KIF13A: variants seen among roughly 807,000 people sequenced by gnomAD.
The protein encoded by KIF13A is kinesin family member 13A, also known as kinesin-like protein KIF13A.
Under a neutral mutation model 212.2 loss-of-function variants are expected in KIF13A, and 79 were observed. The ratio of observed to expected loss-of-function variants is 0.37; its 90% CI spans 0.31 to 0.45. KIF13A has a LOEUF of 0.45. Ranked by LOEUF, KIF13A falls within the 20% of genes least tolerant of loss-of-function variation. The pLI is 1.00. For synonymous variants in KIF13A, 789 were observed against 808.6 expected (o/e 0.98, Z 0.41); for missense variants, 1,901 against 2,209.0 (o/e 0.86, Z 2.79).
intron 34 of KIF13A, among the ~76,000 whole-genome samples, chr6:17,775,749 G>A (rs906779465): frequency 2.6e-5 from 4 of 152,036 alleles, no homozygotes; most frequent in Non-Finnish European, 5.9e-5. Context: ...ATGAGGTCTC[G>A]CTATGTTGCC....
At chr6:17,923,857 T>C (rs1257869272) in intron 2 of KIF13A, among the ~76,000 whole-genome samples, 1 of 152,140 alleles carries the variant, frequency 6.6e-6, no homozygotes, top group Non-Finnish European at 1.5e-5. Context: ...GCACAACTCT[T>C]AAAAACCTTT....
rs16880006 is a variant in KIF13A, at chr6:17,856,913, T to C, written c.221-791A>G. On this transcript the variant is annotated intron_variant, in intron 4 of 38. Transcript: ENST00000259711. The surrounding 1 kb of genome is among the most constrained non-coding windows in gnomAD (Gnocchi z 4.5). Reference sequence around the variant, plus strand: ...CCTTAGAACATTCACTATTACAGCATTTGCAGAAACTACTAGTTTAAGTAC... The same window carrying C: ...CCTTAGAACATTCACTATTACAGCACTTGCAGAAACTACTAGTTTAAGTAC... Among the ~76,000 whole-genome samples the C allele has an allele frequency of 0.018, 2,707 of 152,294 alleles. 92 individuals carry two copies. The highest frequency in any genetic ancestry group is 0.061 in the African/African-American group (2,535 of 41,554).
intron 2 of KIF13A, among the ~76,000 whole-genome samples, chr6:17,948,686 G>A (rs1157328021): frequency 1.4e-5 from 2 of 143,184 alleles, no homozygotes; most frequent in African/African-American, 5.2e-5. Flanking sequence ...TCAGCCTCCC[G>A]AGTAACTGGA....
chr6:17,802,936 T>TG, intron 20 of KIF13A, among the ~76,000 whole-genome samples: 1 of 137,974 alleles, frequency 7.2e-6, no homozygotes, highest in East Asian at 2.2e-4. Context: ...TTTTTTGTTT[T>TG]TTTTTGTTTT....
intron 2 of KIF13A, among the ~76,000 whole-genome samples, chr6:17,975,499 G>C (rs146906895): frequency 6.6e-6 from 1 of 152,080 alleles, no homozygotes; most frequent in Admixed American, 6.5e-5. Context: ...TAAAGACAAT[G>C]TAGGCCCAAA....
chr6:17,821,552 G>GGT (rs111387037), intron 16 of KIF13A, among the ~76,000 whole-genome samples: 29,671 of 112,042 alleles, frequency 0.26, 4,626 homozygotes, highest in Non-Finnish European at 0.34. Context: ...ATTGGGACAT[G>GGT]GTGTGTGTGT....
chr6:17,833,014 C>CAAAAAAAAAAAAAA (rs61281213), intron 12 of KIF13A, among the ~76,000 whole-genome samples: 5 of 75,394 alleles, frequency 6.6e-5, no homozygotes, highest in African/African-American at 3.4e-4. Flanking sequence ...ACTCTGTCTG[C>CAAAAAAAAAAAAAA]AAAAAAAAAA....
intron 4 of KIF13A, among the ~76,000 whole-genome samples, chr6:17,867,717 C>CA (rs1377172379): frequency 1.3e-5 from 2 of 152,126 alleles, no homozygotes; most frequent in Non-Finnish European, 2.9e-5. Context: ...AATAATGAAC[C>CA]AATACAATAT....
At chr6:17,977,962 T>G (rs1285820791) in intron 2 of KIF13A, among the ~76,000 whole-genome samples, 2 of 152,240 alleles carry the variant, frequency 1.3e-5, no homozygotes, top group African/African-American at 4.8e-5. Context: ...AATGCAACTT[T>G]TAAAAAAGAT....
At position 17,855,414 on chromosome 6, in the gene KIF13A, C is replaced by T. The variant is rs1274148768; in HGVS notation, c.494+23G>A. 6.4e-7 allele frequency: 1 copy of T among 1,570,598 alleles called. No homozygotes were observed. The highest frequency in any genetic ancestry group is 8.7e-7 in the Non-Finnish European group (1 of 1,153,404). On this transcript the variant is annotated intron_variant, in intron 6 of 38. Coordinates refer to ENST00000259711, the MANE Select transcript of KIF13A (RefSeq NM_022113.6). This position sits in a 1 kb window ranked among gnomAD's most constrained non-coding sequence, Gnocchi z 4.1. ...AAAATTATCTCCCCCTATTAACACA[C>T]TTAATCTTGACCACTAACTTACCCT...
rs1017178623 is a variant in KIF13A at position 17,947,369 on chromosome 6, T to C, written c.146+39685A>G. 2.6e-5 allele frequency among the ~76,000 whole-genome samples: 4 copies of C among 152,218 alleles called. No individual in the cohort carries two copies. Among genetic ancestry groups the C allele is most frequent in the Non-Finnish European group, 4.4e-5 (3 of 68,034 alleles). On this transcript the variant is annotated intron_variant, in intron 2 of 38. Coordinates refer to ENST00000259711, the MANE Select transcript of KIF13A (RefSeq NM_022113.6). The surrounding 1 kb of genome is among the most constrained non-coding windows in gnomAD (Gnocchi z 4.6). The stretch of plus-strand genomic sequence containing the variant: ...TTTTAAATAAAGCAAATTTAAATAC[T>C]TCTATTTTTAAAAGATCAACATAAG...
intron 16 of KIF13A, among the ~76,000 whole-genome samples, chr6:17,819,354 G>A (rs1163420176): frequency 6.6e-6 from 1 of 152,082 alleles, no homozygotes; most frequent in Non-Finnish European, 1.5e-5. Flanking sequence ...CTTGAGGTCA[G>A]GAGTTCAAGA....
At chr6:17,819,548 T>A (rs1311405721) in intron 16 of KIF13A, among the ~76,000 whole-genome samples, 1 of 151,440 alleles carries the variant, frequency 6.6e-6, no homozygotes, top group Admixed American at 6.6e-5. Context: ...GGCAACAGAG[T>A]GAGACTCCAT....
At chr6:17,831,779 T>A (rs937397005) in intron 12 of KIF13A, among the ~76,000 whole-genome samples, 3 of 149,820 alleles carry the variant, frequency 2.0e-5, no homozygotes, top group African/African-American at 7.4e-5. Flanking sequence ...GAGTTAAGGC[T>A]GGAAGAGAAG....
At chr6:17,924,608 T>C (rs1222323156) in intron 2 of KIF13A, among the ~76,000 whole-genome samples, 1 of 152,212 alleles carries the variant, frequency 6.6e-6, no homozygotes, top group East Asian at 1.9e-4. Flanking sequence ...AGCTTACATT[T>C]ATATTGCACT....
At position 17,971,088 on chromosome 6, in the gene KIF13A, A is replaced by C. The variant is rs1779769038; in HGVS notation, c.146+15966T>G. ...CTCAAAAAATTCAGTCTACATACAA[A>C]TAACAGAGACTGGTCAATTTTTAAG... is the stretch of plus-strand genomic sequence containing the variant. On this transcript the variant is annotated intron_variant, in intron 2 of 38. Coordinates refer to ENST00000259711, the MANE Select transcript of KIF13A (RefSeq NM_022113.6). This position sits in a 1 kb window ranked among gnomAD's most constrained non-coding sequence, Gnocchi z 4.2. 6.6e-6 allele frequency among the ~76,000 whole-genome samples: 1 copy of C among 152,242 alleles called. No homozygotes were observed. Among genetic ancestry groups the C allele is most frequent in the Non-Finnish European group, 1.5e-5 (1 of 68,042 alleles).
At chr6:17,841,621 G>A (rs1054735474) in intron 9 of KIF13A, among the ~76,000 whole-genome samples, 3 of 152,110 alleles carry the variant, frequency 2.0e-5, no homozygotes, top group African/African-American at 4.8e-5. Context: ...ATTTTGCTCT[G>A]TAACTCATCC....
chr6:17,827,116 C>T (rs1296416098), intron 14 of KIF13A, among the ~76,000 whole-genome samples: 1 of 151,654 alleles, frequency 6.6e-6, no homozygotes, highest in Non-Finnish European at 1.5e-5. Flanking sequence ...CTTTTTGAGA[C>T]ATGGTCTTAC....
intron 16 of KIF13A, chr6:17,821,642 AAC>A: frequency 1.2e-6 from 1 of 814,640 alleles, no homozygotes; most frequent in Middle Eastern, 2.4e-4. Flanking sequence ...AAGAATACAG[AAC>A]ACCTTCATCA....
Sources: allele counts gnomAD v4.1 joint callset (sites outside exome capture counted in the v4.1 genomes callset), GRCh38; gene constraint gnomAD v4.1.1; non-coding constraint Gnocchi (gnomAD v3.1); transcripts MANE v1.5; gene names NCBI Gene and HGNC (gene_info 2026-07-23, HGNC 2026-07-21).